XPR1: variants seen among roughly 807,000 people sequenced by gnomAD.
XPR1 encodes the protein solute carrier family 53 member 1.
XPR1 carries 28 observed loss-of-function variants against 87.5 expected under a neutral mutation model. That is an observed-to-expected ratio of 0.32 (90% CI 0.24 to 0.44). The LOEUF (loss-of-function observed/expected upper bound fraction) is 0.44. Ranked by LOEUF, XPR1 falls within the 20% of genes least tolerant of loss-of-function variation. The pLI, the probability that XPR1 is intolerant of heterozygous loss-of-function variation, is 1.00. For missense variants in XPR1, 559 were observed against 862.3 expected (o/e 0.65, Z 4.41); for synonymous variants, 300 against 306.1 (o/e 0.98, Z 0.21).
At chr1:180,765,064 C>T (rs957379767) in intron 2 of XPR1, among the ~76,000 whole-genome samples, 2 of 152,120 alleles carry the variant, frequency 1.3e-5, no homozygotes, top group Non-Finnish European at 2.9e-5. Flanking sequence ...GGATTACAGG[C>T]GTGAGCTACC....
intron 2 of XPR1, among the ~76,000 whole-genome samples, chr1:180,757,960 A>G (rs1647821888): frequency 6.8e-6 from 1 of 146,470 alleles, no homozygotes; most frequent in African/African-American, 2.5e-5. Flanking sequence ...GTTGATGTTG[A>G]TATGTAGTAG....
chr1:180,661,724 A>C (rs1191586991), intron 1 of XPR1, among the ~76,000 whole-genome samples: 1 of 152,012 alleles, frequency 6.6e-6, no homozygotes, highest in Non-Finnish European at 1.5e-5. Context: ...AATATGCAAA[A>C]ATTAGCTGGG....
Position 180,887,965 on chromosome 1 carries a change from A to T in XPR1, c.*3899A>T, listed in dbSNP as rs1653067144. 6.6e-6 allele frequency: 1 copy of T among 152,256 alleles called. No individual in the cohort carries two copies. Among genetic ancestry groups the T allele is most frequent in the South Asian group, 2.1e-4 (1 of 4,838 alleles). The allele number at this position is 152,256 out of a possible 1,614,324, so 9.4% of individuals were successfully genotyped here. Reference sequence around the variant, plus strand: ...TGAGTCATGCAGGTATCAGATTAACAGACATTCATTGAAGATAAGTGAAAT... The same window carrying T: ...TGAGTCATGCAGGTATCAGATTAACTGACATTCATTGAAGATAAGTGAAAT... On this transcript the variant is annotated 3_prime_UTR_variant, in exon 15 of 15. Transcript: ENST00000367590.
intron 2 of XPR1, among the ~76,000 whole-genome samples, chr1:180,690,529 A>G (rs1411021972): frequency 1.3e-5 from 2 of 152,076 alleles, no homozygotes; most frequent in African/African-American, 4.8e-5. Context: ...ATAAATGTCC[A>G]TGATCTCACC....
chr1:180,825,125 A>C (rs939313668), intron 8 of XPR1, 40 bp from the exon 9 acceptor site: 1 of 1,551,720 alleles, frequency 6.4e-7, no homozygotes, highest in African/African-American at 1.4e-5. Context: ...TAAAAATAAC[A>C]ATTTTTCTCT....
intron 2 of XPR1, among the ~76,000 whole-genome samples, chr1:180,692,624 C>T (rs1022976376): frequency 4.6e-5 from 7 of 151,988 alleles, no homozygotes; most frequent in Admixed American, 6.6e-5. Context: ...AAAATGGACT[C>T]GTATATTCTA....
intron 1 of XPR1, among the ~76,000 whole-genome samples, chr1:180,661,037 A>G (rs1193602209): frequency 1.3e-5 from 2 of 152,124 alleles, no homozygotes; most frequent in Non-Finnish European, 2.9e-5. Context: ...CCAGTGTTTC[A>G]TGCATATATA....
chr1:180,808,194 G>A (rs1446805034), intron 6 of XPR1, among the ~76,000 whole-genome samples: 6 of 150,844 alleles, frequency 4.0e-5, no homozygotes, highest in African/African-American at 1.2e-4. Context: ...AACATATTAC[G>A]AACAACAGAT....
chr1:180,852,958 G>A (rs1037828985), intron 11 of XPR1, among the ~76,000 whole-genome samples: 3 of 152,028 alleles, frequency 2.0e-5, no homozygotes, highest in East Asian at 3.9e-4. Flanking sequence ...CCAACTGGGG[G>A]TTTTGGAATG....
chr1:180,659,672 C>A (rs1655697408), intron 1 of XPR1, among the ~76,000 whole-genome samples: 1 of 149,074 alleles, frequency 6.7e-6, no homozygotes, highest in East Asian at 2.0e-4. Flanking sequence ...GCACCTGCCA[C>A]CATGCCTGGC....
intron 7 of XPR1, among the ~76,000 whole-genome samples, chr1:180,820,005 G>A (rs1333277288): frequency 6.7e-6 from 1 of 150,346 alleles, no homozygotes; most frequent in Non-Finnish European, 1.5e-5. Context: ...GGGCAACAGA[G>A]CAAGACTCTG....
intron 12 of XPR1, among the ~76,000 whole-genome samples, chr1:180,865,720 TGTTGA>T (rs1652367694): frequency 6.6e-6 from 1 of 152,214 alleles, no homozygotes; most frequent in Admixed American, 6.5e-5. Flanking sequence ...TTTATATAAA[TGTTGA>T]TCCATTCCCG....
At chr1:180,824,584 A>G (rs964676496) in intron 7 of XPR1, among the ~76,000 whole-genome samples, 169 bp from the exon 8 acceptor site, 1 of 152,076 alleles carries the variant, frequency 6.6e-6, no homozygotes, top group African/African-American at 2.4e-5. Context: ...TCTCAAAAAA[A>G]TAAATAGGTA....
chr1:180,753,218 C>T (rs1197166665), intron 2 of XPR1, among the ~76,000 whole-genome samples: 1 of 152,088 alleles, frequency 6.6e-6, no homozygotes, highest in Non-Finnish European at 1.5e-5. Flanking sequence ...AGAAATTCAG[C>T]AAATAATAAA....
Position 180,889,596 on chromosome 1 carries a change from C to T in XPR1, c.*5530C>T, listed in dbSNP as rs759548400. 3.9e-5 allele frequency: 6 copies of T among 152,272 alleles called. No homozygotes were observed. The highest frequency in any genetic ancestry group is 4.1e-4 in the South Asian group (2 of 4,826). The allele number at this position is 152,272 out of a possible 1,614,324, so 9.4% of individuals were successfully genotyped here. A position where few individuals can be genotyped will look rare whatever the true frequency, so the allele number is the denominator to read the frequency against. On this transcript the variant is annotated 3_prime_UTR_variant, in exon 15 of 15. Transcript: ENST00000367590. ...ATCCCTAAAGGGTCATTGTTCATGA[C>T]GTTATTTTGAATTGTAAAATTGTGA...
intron 11 of XPR1, among the ~76,000 whole-genome samples, chr1:180,843,617 C>A (rs1651587012): frequency 6.6e-6 from 1 of 151,058 alleles, no homozygotes. Flanking sequence ...TATATCCCAT[C>A]TTAAATTGCT....
At chr1:180,723,059 T>C (rs1465784477) in intron 2 of XPR1, among the ~76,000 whole-genome samples, 1 of 152,140 alleles carries the variant, frequency 6.6e-6, no homozygotes. Context: ...ATTGAAAAAT[T>C]TTAAAGACCA....
chr1:180,822,307 G>C (rs138524786), intron 7 of XPR1, among the ~76,000 whole-genome samples: 2 of 152,254 alleles, frequency 1.3e-5, no homozygotes, highest in Non-Finnish European at 2.9e-5. Flanking sequence ...AAGGCCCTTT[G>C]TACTTTCCCT....
At chr1:180,787,557 G>A (rs1291682731) in intron 2 of XPR1, among the ~76,000 whole-genome samples, 196 bp from the exon 3 acceptor site, 2 of 152,194 alleles carry the variant, frequency 1.3e-5, no homozygotes, top group African/African-American at 4.8e-5. Context: ...GGGATTACAG[G>A]CATGAGCCAT....
Sources: allele counts gnomAD v4.1 joint callset (sites outside exome capture counted in the v4.1 genomes callset), GRCh38; gene constraint gnomAD v4.1.1; transcripts MANE v1.5; gene names NCBI Gene and HGNC (gene_info 2026-07-23, HGNC 2026-07-21).